CDH13: variants seen among roughly 807,000 people sequenced by gnomAD.
The protein encoded by CDH13 is cadherin-13.
Under a neutral mutation model 63.8 loss-of-function variants are expected in CDH13, and 24 were observed. The ratio of observed to expected loss-of-function variants is 0.38; its 90% CI spans 0.27 to 0.53. The LOEUF is 0.53. CDH13 is among the 20% of genes least tolerant of loss of function. The pLI is 0.85. For synonymous variants in CDH13, 503 were observed against 355.3 expected (o/e 1.42, Z -4.67); for missense variants, 1,049 against 903.1 (o/e 1.16, Z -2.07).
At chr16:83,417,016 C>A (rs183471418) in intron 6 of CDH13, among the ~76,000 whole-genome samples, 2 of 152,138 alleles carry the variant, frequency 1.3e-5, no homozygotes, top group East Asian at 3.9e-4. Context: ...TATTGACAAC[C>A]TTTTCTGAAT....
intron 5 of CDH13, among the ~76,000 whole-genome samples, chr16:83,239,960 C>T (rs1428977369): frequency 6.6e-6 from 1 of 152,070 alleles, no homozygotes; most frequent in Non-Finnish European, 1.5e-5. Flanking sequence ...AAACAGAGAT[C>T]TGATGAAAGA....
At chr16:83,660,935 A>C (rs930127986) in intron 8 of CDH13, among the ~76,000 whole-genome samples, 3 of 152,228 alleles carry the variant, frequency 2.0e-5, no homozygotes. Context: ...TGAAGAAAAA[A>C]AAATGTAGGC....
intron 3 of CDH13, among the ~76,000 whole-genome samples, chr16:83,117,787 C>T (rs114956840): frequency 0.013 from 1,913 of 141,998 alleles, 33 homozygotes; most frequent in African/African-American, 0.045. Context: ...CCACCCTCAA[C>T]CCCTCCCCTG....
intron 2 of CDH13, among the ~76,000 whole-genome samples, chr16:82,958,596 T>A (rs1906478558): frequency 6.6e-6 from 1 of 152,162 alleles, no homozygotes; most frequent in Non-Finnish European, 1.5e-5. Flanking sequence ...TCAATTTGAG[T>A]GGTCAAGGGA....
intron 2 of CDH13, among the ~76,000 whole-genome samples, chr16:82,970,641 C>T (rs899329962): frequency 5.1e-5 from 6 of 117,238 alleles, no homozygotes; most frequent in Non-Finnish European, 1.0e-4. Flanking sequence ...CCTCATGATC[C>T]ACCCGCCTCG....
chr16:83,256,159 A>G, intron 5 of CDH13, among the ~76,000 whole-genome samples: 1 of 152,046 alleles, frequency 6.6e-6, no homozygotes, highest in Admixed American at 6.5e-5. Context: ...TTAGCCTTCC[A>G]AGTAGTTGGG....
chr16:83,559,325 A>G (rs1261819554), intron 7 of CDH13, among the ~76,000 whole-genome samples: 2 of 152,178 alleles, frequency 1.3e-5, no homozygotes, highest in Non-Finnish European at 2.9e-5. Flanking sequence ...TAATCCCAAC[A>G]CTTTGGGAGG....
chr16:83,761,898 C>G (rs191583800), intron 11 of CDH13, among the ~76,000 whole-genome samples: 2 of 152,116 alleles, frequency 1.3e-5, no homozygotes, highest in African/African-American at 4.8e-5. Context: ...GAAACCCCTT[C>G]TCTACTAAAA....
chr16:83,662,285 C>T (rs1367596282), intron 8 of CDH13, among the ~76,000 whole-genome samples: 2 of 152,202 alleles, frequency 1.3e-5, no homozygotes, highest in Admixed American at 6.5e-5. Flanking sequence ...TTTAGTAGAC[C>T]TTTCTGTCAC....
At chr16:83,527,686 C>G (rs1294471932) in intron 7 of CDH13, among the ~76,000 whole-genome samples, 1 of 152,070 alleles carries the variant, frequency 6.6e-6, no homozygotes, top group Non-Finnish European at 1.5e-5. Context: ...TACGAAAGGA[C>G]CCAGTAAGCA....
chr16:83,506,710 C>A (rs1186354955), intron 7 of CDH13, among the ~76,000 whole-genome samples: 1 of 152,162 alleles, frequency 6.6e-6, no homozygotes, highest in Non-Finnish European at 1.5e-5. Context: ...GAATTCTGAG[C>A]CTTGTTTATT....
At chr16:83,300,679 T>C (rs764265760) in intron 5 of CDH13, among the ~76,000 whole-genome samples, 2 of 152,236 alleles carry the variant, frequency 1.3e-5, no homozygotes, top group East Asian at 3.8e-4. Flanking sequence ...GTTAATCCAA[T>C]TAAATCTTAC....
intron 1 of CDH13, among the ~76,000 whole-genome samples, chr16:82,779,652 C>T (rs942637406): frequency 1.2e-4 from 19 of 152,316 alleles, no homozygotes; most frequent in Admixed American, 6.5e-5. Context: ...TAACCGACAG[C>T]TCTCCTTGGA....
intron 4 of CDH13, among the ~76,000 whole-genome samples, chr16:83,150,421 C>T (rs1235342642): frequency 1.3e-5 from 2 of 152,156 alleles, no homozygotes; most frequent in African/African-American, 4.8e-5. Context: ...TATGCTTCTG[C>T]ACATCTCACA....
intron 1 of CDH13, among the ~76,000 whole-genome samples, chr16:82,714,902 T>G (rs2032251758): frequency 7.7e-6 from 1 of 129,330 alleles, no homozygotes; most frequent in Admixed American, 9.3e-5. Flanking sequence ...ATGACTTTTC[T>G]GACACTTTGA....
chr16:82,894,717 A>G (rs2041194107), intron 2 of CDH13, among the ~76,000 whole-genome samples: 1 of 152,172 alleles, frequency 6.6e-6, no homozygotes, highest in African/African-American at 2.4e-5. Flanking sequence ...AATAAAATAG[A>G]GACGATGGGA....
intron 6 of CDH13, among the ~76,000 whole-genome samples, chr16:83,443,705 GAAAAAAAAAAAAAAAAAAAA>G (rs1167862979): frequency 0.017 from 1,846 of 107,010 alleles, 40 homozygotes; most frequent in South Asian, 0.033. Flanking sequence ...AAGTCCCTAC[GAAAAAAAAAAAAAAAAAAAA>G]AAAAAAAAAA....
At chr16:82,666,821 A>G (rs1448983969) in intron 1 of CDH13, among the ~76,000 whole-genome samples, 2 of 152,220 alleles carry the variant, frequency 1.3e-5, no homozygotes, top group Non-Finnish European at 2.9e-5. Flanking sequence ...ATTTAATCCC[A>G]GAGCCAGCCT....
At chr16:83,057,900 T>C (rs956641059) in intron 3 of CDH13, among the ~76,000 whole-genome samples, 3 of 152,210 alleles carry the variant, frequency 2.0e-5, no homozygotes, top group Non-Finnish European at 2.9e-5. Context: ...TTAACATCAA[T>C]GGTAAGGTTC....
Sources: allele counts gnomAD v4.1 joint callset (sites outside exome capture counted in the v4.1 genomes callset), GRCh38; gene constraint gnomAD v4.1.1; transcripts MANE v1.5; gene names NCBI Gene and HGNC (gene_info 2026-07-23, HGNC 2026-07-21).